The following CEP290 variants were observed in gnomAD, a reference collection of about 807,000 sequenced individuals.
The protein encoded by CEP290 is centrosomal protein of 290 kDa.
Under a neutral mutation model 344.9 loss-of-function variants are expected in CEP290, and 317 were observed. That is an observed-to-expected ratio of 0.92 (90% CI 0.84 to 1.01). CEP290 has a LOEUF of 1.01. Among genes scored for constraint, CEP290 ranks in the 50% least tolerant of loss-of-function variants. The probability of loss-of-function intolerance (pLI) is 0.00; values close to 1 mark genes in which losing one functional copy is unlikely to be tolerated. For missense variants in CEP290, 2,754 were observed against 2,761.4 expected (o/e 1.00, Z 0.06); for synonymous variants, 932 against 895.8 (o/e 1.04, Z -0.72).
In CEP290 at chr12:88,131,223, A is replaced by T; in HGVS notation, c.442-5T>A. ...CTCCTCATTTCGAAGAGCCAACTAA[A>T]ATAGTAAAAAAAAAAAATAAATAAG... On this transcript the variant is annotated splice_region_variant and splice_polypyrimidine_tract_variant and intron_variant, in intron 6 of 53. Coordinates refer to ENST00000552810, the MANE Select transcript of CEP290 (RefSeq NM_025114.4). The T allele has an allele frequency of 6.7e-7, 1 of 1,482,774 alleles. No individual in the cohort carries two copies. Among genetic ancestry groups the T allele is most frequent in the Non-Finnish European group, 8.9e-7 (1 of 1,121,928 alleles). The allele number at this position is 1,482,774 out of a possible 1,614,324, so 91.9% of individuals were successfully genotyped here. A position where few individuals can be genotyped will look rare whatever the true frequency, so the allele number is the denominator to read the frequency against.
chr12:88,074,051 C>T (rs2035580364), intron 41 of CEP290, among the ~76,000 whole-genome samples: 2 of 151,918 alleles, frequency 1.3e-5, no homozygotes. Flanking sequence ...ATGGTGAAAC[C>T]CCATCTTTAC....
At chr12:88,107,928 G>A (rs937725673) in intron 23 of CEP290, among the ~76,000 whole-genome samples, 2 of 151,240 alleles carry the variant, frequency 1.3e-5, no homozygotes, top group Non-Finnish European at 2.9e-5. Context: ...AAGTATGCGA[G>A]GTAATACATA....
chr12:88,074,508 G>A (rs1338016948), intron 41 of CEP290, among the ~76,000 whole-genome samples: 1 of 152,190 alleles, frequency 6.6e-6, no homozygotes. Flanking sequence ...GTATTGTGGT[G>A]TTATTACATA....
chr12:88,130,261 AT>A lies in CEP290; in HGVS notation c.669+6del, dbSNP rs761225874. On this transcript the variant is annotated splice_donor_region_variant and intron_variant, in intron 9 of 53. Transcript: ENST00000552810. ...CATTGCTCTGAATTGACTTCTAGCC[AT>A]TTTACCTGAATTTCATCAAGATATT... 3 of 1,594,234 alleles carry A rather than the reference AT, an allele frequency of 1.9e-6. No homozygotes were observed. The highest frequency in any genetic ancestry group is 1.7e-6 in the Non-Finnish European group (2 of 1,174,748).
At chr12:88,078,085 T>C (rs1339068621) in intron 39 of CEP290, among the ~76,000 whole-genome samples, 167 bp from the exon 40 acceptor site, 2 of 150,818 alleles carry the variant, frequency 1.3e-5, no homozygotes, top group African/African-American at 2.4e-5. Flanking sequence ...TCCATATTCA[T>C]GTCAAGTCTA....
chr12:88,063,877 G>T, intron 45 of CEP290, 104 bp downstream of exon 45: 1 of 913,070 alleles, frequency 1.1e-6, no homozygotes, highest in Non-Finnish European at 1.6e-6. Flanking sequence ...TGATATATTA[G>T]GAATATGCAT....
intron 35 of CEP290, among the ~76,000 whole-genome samples, chr12:88,084,163 ATTC>A (rs2036399398): frequency 6.6e-6 from 1 of 152,158 alleles, no homozygotes; most frequent in Non-Finnish European, 1.5e-5. Context: ...TTCATAATTT[ATTC>A]TTAACATTAG....
At chr12:88,129,163 T>C in intron 10 of CEP290, 128 bp from the exon 11 acceptor site, 1 of 449,906 alleles carries the variant, frequency 2.2e-6, no homozygotes, top group East Asian at 3.7e-5. Context: ...TTCATACTTA[T>C]ATACACATAC....
Position 88,131,176 on chromosome 12 carries a change from A to G in CEP290, c.484T>C (p.Leu162=). The G allele has an allele frequency of 6.6e-7, 1 of 1,521,374 alleles. No individual in the cohort carries two copies. The highest frequency in any genetic ancestry group is 2.3e-5 in the Admixed American group (1 of 43,468). 94.2% of individuals were successfully genotyped at this position (1,521,374 alleles called of 1,614,324 possible). A position where few individuals can be genotyped will look rare whatever the true frequency, so the allele number is the denominator to read the frequency against. ...NEEAENENSK[L]RRENKRLKKK... ...CTAAAATTTTTTACCTCTCTTCTTA[A>G]TTTGCTGTTTTCATTTTCTGCCTCC... is the stretch of plus-strand genomic sequence containing the variant. The change falls in exon 7 of 54, where the codon TTA becomes CTA. Residue 162 remains leucine, a synonymous_variant. Coordinates refer to ENST00000552810, the MANE Select transcript of CEP290 (RefSeq NM_025114.4).
intron 20 of CEP290, among the ~76,000 whole-genome samples, chr12:88,112,468 G>C (rs1186690245): frequency 6.6e-6 from 1 of 152,098 alleles, no homozygotes; most frequent in Non-Finnish European, 1.5e-5. Flanking sequence ...AGAATAATGA[G>C]TAAGCAAAAA....
At chr12:88,084,907 C>T (rs570559476) in intron 34 of CEP290, 55 bp from the exon 35 acceptor site, 2 of 1,348,972 alleles carry the variant, frequency 1.5e-6, no homozygotes, top group Non-Finnish European at 2.0e-6. Flanking sequence ...CTTTAAAATG[C>T]TTCATCTGAA....
At chr12:88,060,243 T>A (rs1324443890) in intron 47 of CEP290, among the ~76,000 whole-genome samples, 1 of 152,204 alleles carries the variant, frequency 6.6e-6, no homozygotes, top group Non-Finnish European at 1.5e-5. Flanking sequence ...CATATCTGTG[T>A]CAGGACCCAC....
Position 88,077,905 on chromosome 12 carries a change from T to C in CEP290, c.5378A>G (p.Asp1793Gly). 1 of 1,312,426 alleles carries C rather than the reference T, an allele frequency of 7.6e-7. No individual in the cohort carries two copies. Among genetic ancestry groups the C allele is most frequent in the South Asian group, 1.4e-5 (1 of 70,714 alleles). The allele number at this position is 1,312,426 out of a possible 1,614,324, so 81.3% of individuals were successfully genotyped here. ...CAATTTTAAAAGATTTTCATTTAAA[T>C]CTTCAACTTGTGTCTAATAAGAGAA... is the stretch of plus-strand genomic sequence containing the variant. Reference protein sequence around the residue: ...HTRELKTQVEDLNENLLKLKE... With the variant: ...HTRELKTQVEGLNENLLKLKE... The change falls in exon 40 of 54, where the codon GAT (aspartate) becomes GGT (glycine). Residue 1793 changes from aspartate to glycine, a missense_variant. Transcript: ENST00000552810.
chr12:88,106,560 A>G (rs2038295330), intron 25 of CEP290, 115 bp downstream of exon 25: 3 of 644,486 alleles, frequency 4.7e-6, no homozygotes, highest in African/African-American at 3.8e-5. Context: ...TTATGACAAA[A>G]TGTTAATAAA....
At chr12:88,107,955 T>G (rs1039126683) in intron 23 of CEP290, among the ~76,000 whole-genome samples, 1 of 151,912 alleles carries the variant, frequency 6.6e-6, no homozygotes, top group Non-Finnish European at 1.5e-5. Flanking sequence ...GTAGCTTGAT[T>G]TAGCCATTCC....
At position 88,128,269 on chromosome 12, in the gene CEP290, G is replaced by C. The variant is rs1452060291; in HGVS notation, c.942+677C>G. The stretch of plus-strand genomic sequence containing the variant: ...TGCTAATGCTTTTGTTTAAAATATA[G>C]GTTATCTGAGCTCCCTAGATGCTAA... On this transcript the variant is annotated intron_variant, in intron 11 of 53. Transcript: ENST00000552810. Among the ~76,000 whole-genome samples the C allele has an allele frequency of 2.0e-5, 3 of 152,062 alleles. No individual in the cohort carries two copies. In the East Asian group the frequency reaches 5.8e-4, roughly 29 times the overall value.
intron 27 of CEP290, among the ~76,000 whole-genome samples, chr12:88,096,151 C>A (rs538806080): frequency 6.6e-6 from 1 of 152,090 alleles, no homozygotes; most frequent in Admixed American, 6.5e-5. Context: ...TAGGTTCAAG[C>A]AATTCTCCTG....
intron 24 of CEP290, 27 bp downstream of exon 24, chr12:88,106,969 T>C (rs2038330830): frequency 1.3e-6 from 2 of 1,535,622 alleles, no homozygotes; most frequent in Admixed American, 2.0e-5. Context: ...CAATATTGCA[T>C]ACTAATGTTA....
At position 88,089,286 on chromosome 12, in the gene CEP290, T is replaced by C; in HGVS notation, c.3775A>G (p.Arg1259Gly). The C allele has an allele frequency of 6.2e-7, 1 of 1,614,044 alleles. No individual in the cohort carries two copies. The highest frequency in any genetic ancestry group is 8.5e-7 in the Non-Finnish European group (1 of 1,179,892). Residue 1259 changes from arginine (R) to glycine (G), a missense_variant, in exon 31 of 54, where the codon AGA (arginine) becomes GGA (glycine). Physicochemically the swap from Arg to Gly is moderately radical, Grantham distance 125 (BLOSUM62 -2). Coordinates refer to ENST00000552810, the MANE Select transcript of CEP290 (RefSeq NM_025114.4). ...LYYARLEGRN[R>G]AKHLRQTIQS... ...ATTGTTTGGCGCAGATGTTTTGCTC[T>C]GTTTCTTCCCTCCAAACGAGCATAA...
Sources: gnomAD v4.1 joint callset for allele counts (sites outside exome capture counted in the v4.1 genomes callset) on GRCh38, gnomAD v4.1.1 for gene constraint, MANE v1.5 for transcripts, NCBI Gene and HGNC (gene_info 2026-07-23, HGNC 2026-07-21) for gene names.